Variants in ROBO2 observed in about 807,000 individuals in gnomAD.
The protein encoded by ROBO2 is roundabout homolog 2.
In ROBO2, 53 loss-of-function variants were observed where a neutral mutation model predicts 160.8. The ratio of observed to expected loss-of-function variants is 0.33; its 90% CI spans 0.26 to 0.41. The LOEUF (loss-of-function observed/expected upper bound fraction) is 0.41, where lower values mean the gene tolerates loss of function less well. Ranked by LOEUF, ROBO2 falls within the 10% of genes least tolerant of loss-of-function variation. The pLI is 1.00. For synonymous variants in ROBO2, 664 were observed against 611.7 expected (o/e 1.09, Z -1.26); for missense variants, 1,577 against 1,722.4 (o/e 0.92, Z 1.49).
intron 19 of ROBO2, among the ~76,000 whole-genome samples, chr3:77,599,439 T>C (rs1391740779): frequency 7.8e-5 from 11 of 140,616 alleles, no homozygotes; most frequent in Admixed American, 7.8e-4. Context: ...TAGGTGGGAA[T>C]TGAACAATGA....
At chr3:77,457,927 C>T (rs2081850413) in intron 2 of ROBO2, among the ~76,000 whole-genome samples, 1 of 152,042 alleles carries the variant, frequency 6.6e-6, no homozygotes, top group Admixed American at 6.6e-5. Context: ...GGACAATTAT[C>T]ACTGTGGGCA....
intron 1 of ROBO2, among the ~76,000 whole-genome samples, chr3:77,056,244 GA>G (rs1282394645): frequency 1.3e-5 from 2 of 152,162 alleles, no homozygotes; most frequent in Non-Finnish European, 2.9e-5. Flanking sequence ...TTTCTTTGAT[GA>G]AGTCATCCTT....
intron 2 of ROBO2, among the ~76,000 whole-genome samples, chr3:76,794,748 C>T (rs2063579770): frequency 6.6e-6 from 1 of 152,004 alleles, no homozygotes; most frequent in African/African-American, 2.4e-5. Context: ...AGATAATGCC[C>T]TCATGCTAAC....
intron 2 of ROBO2, among the ~76,000 whole-genome samples, chr3:77,125,587 G>T (rs561477449): frequency 6.6e-6 from 1 of 152,002 alleles, no homozygotes; most frequent in Non-Finnish European, 1.5e-5. Context: ...GCTACACATC[G>T]GTATTTATGT....
chr3:76,123,239 T>C (rs1003964041), intron 2 of ROBO2, among the ~76,000 whole-genome samples: 1 of 152,160 alleles, frequency 6.6e-6, no homozygotes, highest in African/African-American at 2.4e-5. Context: ...ATCTTTTCTG[T>C]GGGGAATTTT....
chr3:76,499,147 G>A (rs2080323377), intron 2 of ROBO2, among the ~76,000 whole-genome samples: 1 of 152,172 alleles, frequency 6.6e-6, no homozygotes, highest in East Asian at 1.9e-4. Context: ...TGCTACCACT[G>A]ATCTCATGAC....
chr3:76,434,226 C>A, intron 2 of ROBO2: 2 of 1,043,130 alleles, frequency 1.9e-6, no homozygotes, highest in South Asian at 2.5e-5. Context: ...AGAGATGGTC[C>A]ACACAGGTTT....
At chr3:77,051,261 G>GA in intron 1 of ROBO2, among the ~76,000 whole-genome samples, 1 of 152,238 alleles carries the variant, frequency 6.6e-6, no homozygotes, top group South Asian at 2.1e-4. Flanking sequence ...TAAAGTGAAA[G>GA]AAAAAAGAAT....
Position 75,999,675 on chromosome 3 carries a change from A to G in ROBO2, c.109+62073A>G, listed in dbSNP as rs1414489731. On this transcript the variant is annotated intron_variant, in intron 2 of 26. Coordinates refer to the ROBO2 transcript ENST00000487694. ...TTTTAATTTGTTCAAATTAAAATCA[A>G]TGTCACATTCTCTGCAGTTAATCAC... Among the ~76,000 whole-genome samples the G allele has an allele frequency of 7.9e-5, 12 of 152,176 alleles. No individual in the cohort carries two copies. The South Asian group carries it at 1.2e-3, about 16-fold the overall frequency.
In ROBO2 at chr3:76,674,629, C is replaced by CACACACACAG. The variant is rs1491244055; in HGVS notation, c.110-423384_110-423383insCACACACAGA. On this transcript the variant is annotated intron_variant, in intron 2 of 26. Transcript: ENST00000487694. ...ACACACACACACACACACACACACA[C>CACACACACAG]AGAAACCTGTAGAAAGTGCAAATTA... is the stretch of plus-strand genomic sequence containing the variant. Among the ~76,000 whole-genome samples the CACACACACAG allele has an allele frequency of 6.0e-5, 9 of 151,026 alleles. No homozygotes were observed. In the South Asian group the frequency reaches 1.3e-3, roughly 21 times the overall value.
intron 2 of ROBO2, among the ~76,000 whole-genome samples, chr3:76,492,571 AC>A (rs970653457): frequency 6.6e-6 from 1 of 150,586 alleles, no homozygotes; most frequent in Non-Finnish European, 1.5e-5. Flanking sequence ...GAAAAAAAAA[AC>A]AGGGAGGAAA....
At chr3:76,216,465 A>T (rs910172720) in intron 2 of ROBO2, among the ~76,000 whole-genome samples, 36 of 152,222 alleles carry the variant, frequency 2.4e-4, no homozygotes, top group African/African-American at 8.0e-4. Flanking sequence ...ATGGAGGAAG[A>T]TCTACCAAGC....
intron 6 of ROBO2, 103 bp downstream of exon 7, chr3:77,527,517 G>C (rs892993432): frequency 2.0e-5 from 18 of 900,768 alleles, no homozygotes; most frequent in South Asian, 4.8e-5. Flanking sequence ...TTTTACCCAT[G>C]TTAAAATAAT....
chr3:76,631,725 A>G (rs1191301892), intron 2 of ROBO2, among the ~76,000 whole-genome samples: 4 of 152,144 alleles, frequency 2.6e-5, no homozygotes, highest in Non-Finnish European at 5.9e-5. Flanking sequence ...GCTATAGGGC[A>G]TTGGAAAAAC....
intron 2 of ROBO2, among the ~76,000 whole-genome samples, chr3:76,411,106 G>T (rs2075463470): frequency 6.6e-6 from 1 of 152,010 alleles, no homozygotes; most frequent in Non-Finnish European, 1.5e-5. Flanking sequence ...GGATGACAAA[G>T]TCCAATGGCC....
At chr3:77,602,455 G>A in exon 20 of ROBO2, 1 of 1,614,096 alleles carries the variant, frequency 6.2e-7, no homozygotes, top group Non-Finnish European at 8.5e-7. Context: ...GATGGGATTT[G>A]GTTATTCTCT....
chr3:76,252,089 C>A (rs965421925), intron 2 of ROBO2, among the ~76,000 whole-genome samples: 2 of 151,866 alleles, frequency 1.3e-5, no homozygotes, highest in Admixed American at 1.3e-4. Context: ...TGAGCAGAGA[C>A]CAGAAGTAAC....
intron 2 of ROBO2, among the ~76,000 whole-genome samples, chr3:76,792,827 T>C (rs2063454130): frequency 6.6e-6 from 1 of 151,834 alleles, no homozygotes; most frequent in African/African-American, 2.4e-5. Context: ...TAGAGCTAGC[T>C]TCTAAAATGA....
chr3:76,374,428 A>ACAGC (rs2076247625), intron 2 of ROBO2, among the ~76,000 whole-genome samples: 1 of 152,078 alleles, frequency 6.6e-6, no homozygotes, highest in African/African-American at 2.4e-5. Flanking sequence ...TTTATTTTAG[A>ACAGC]CAGCCATAAT....
Sources: allele counts gnomAD v4.1 joint callset (sites outside exome capture counted in the v4.1 genomes callset), GRCh38; gene constraint gnomAD v4.1.1; transcripts MANE v1.5; gene names NCBI Gene and HGNC (gene_info 2026-07-23, HGNC 2026-07-21).